Variants in SLC22A9 observed in about 807,000 individuals in gnomAD.
SLC22A9 encodes organic anion transporter 7.
SLC22A9 carries 64 observed loss-of-function variants against 50.1 expected under a neutral mutation model. The ratio of observed to expected loss-of-function variants is 1.28; its 90% confidence interval spans 1.04 to 1.57. The LOEUF (loss-of-function observed/expected upper bound fraction) is 1.57, where lower values mean the gene tolerates loss of function less well. Ranked by LOEUF, SLC22A9 falls within the 40% of genes most tolerant of loss-of-function variation. SLC22A9 has a pLI of 0.00. For missense variants in SLC22A9, 757 were observed against 676.1 expected, an observed-to-expected ratio of 1.12 and a Z score of -1.33; for synonymous variants, 261 against 242.5, an observed-to-expected ratio of 1.08 and a Z score of -0.71.
At position 63,410,257 on chromosome 11, in the gene SLC22A9, A is replaced by AAAAAAAAG; in HGVS notation, c.*398_*399insAAAAGAAA. ...CTGTCTCAAAAAAAAAAAAAAAAAA[A>AAAAAAAAG]AAAGAAAGAAGGAAAGAAAGAAAGA... On this transcript the variant is annotated 3_prime_UTR_variant, in exon 10 of 10. Coordinates refer to ENST00000279178, the MANE Select transcript of SLC22A9 (RefSeq NM_080866.3). The AAAAAAAAG allele has an allele frequency of 1.8e-5, 2 of 108,466 alleles. No individual in the cohort carries two copies. The highest frequency in any genetic ancestry group is 3.3e-5 in the Non-Finnish European group (2 of 61,184). The allele number at this position is 108,466 out of a possible 1,614,324, so 6.7% of individuals were successfully genotyped here. A position where few individuals can be genotyped will look rare whatever the true frequency, so the allele number is the denominator to read the frequency against.
intron 5 of SLC22A9, among the ~76,000 whole-genome samples, chr11:63,376,866 CA>C (rs750830007): frequency 7.9e-5 from 12 of 151,440 alleles, no homozygotes; most frequent in Non-Finnish European, 1.8e-4. Context: ...ATCTAACAAG[CA>C]AATGGAAAAC....
At chr11:63,393,069 G>T (rs916272602) in intron 6 of SLC22A9, among the ~76,000 whole-genome samples, 1 of 152,062 alleles carries the variant, frequency 6.6e-6, no homozygotes, top group Non-Finnish European at 1.5e-5. Flanking sequence ...TTTGTAGATT[G>T]CTTTTGGCAG....
Position 63,409,914 on chromosome 11 carries a change from A to C in SLC22A9, c.*52A>C. The stretch of plus-strand genomic sequence containing the variant: ...AATGAGCCAGATGAAGGGAACAATC[A>C]GGACTATTCCTAGACACTAGCAAAA... On this transcript the variant is annotated 3_prime_UTR_variant, in exon 10 of 10. Coordinates refer to ENST00000279178, the MANE Select transcript of SLC22A9 (RefSeq NM_080866.3). 1 of 1,594,898 alleles carries C rather than the reference A, an allele frequency of 6.3e-7. No individual in the cohort carries two copies. The highest frequency in any genetic ancestry group is 1.3e-5 in the African/African-American group (1 of 74,552).
chr11:63,404,758 T>C (rs1255433039), intron 6 of SLC22A9, among the ~76,000 whole-genome samples: 1 of 152,184 alleles, frequency 6.6e-6, no homozygotes, highest in East Asian at 1.9e-4. Flanking sequence ...GCAGATGCCC[T>C]TGGGGCTCTT....
At chr11:63,373,071 A>C in intron 2 of SLC22A9, among the ~76,000 whole-genome samples, 1 of 147,602 alleles carries the variant, frequency 6.8e-6, no homozygotes, top group Admixed American at 6.8e-5. Context: ...TACAGAGAGG[A>C]CTCCTTTCCC....
At chr11:63,408,554 A>G (rs2015079965) in intron 8 of SLC22A9, 122 bp from the exon 9 acceptor site, 1 of 861,322 alleles carries the variant, frequency 1.2e-6, no homozygotes, top group South Asian at 1.8e-5. Flanking sequence ...TTTCAAACAC[A>G]GGAGTATTTC....
intron 6 of SLC22A9, among the ~76,000 whole-genome samples, chr11:63,404,659 G>C (rs551675984): frequency 6.6e-6 from 1 of 152,152 alleles, no homozygotes; most frequent in Non-Finnish European, 1.5e-5. Context: ...CAGTGTTCAC[G>C]CAATACTTTT....
chr11:63,373,104 T>C (rs1349418512), intron 2 of SLC22A9, among the ~76,000 whole-genome samples: 1 of 150,142 alleles, frequency 6.7e-6, no homozygotes, highest in Non-Finnish European at 1.5e-5. Context: ...AACACTAAAT[T>C]CCCTTTTTCT....
At chr11:63,402,178 A>G (rs1310738699) in intron 6 of SLC22A9, among the ~76,000 whole-genome samples, 1 of 151,966 alleles carries the variant, frequency 6.6e-6, no homozygotes, top group Non-Finnish European at 1.5e-5. Flanking sequence ...TTATCATAAA[A>G]TCTTTGCCAG....
rs1591013709 is a variant in SLC22A9 at position 63,375,838 on chromosome 11, A to G, written c.954+70A>G. On this transcript the variant is annotated intron_variant, in intron 5 of 9. Transcript: ENST00000279178. ...CTTGTCATCAATACTTAGCAGTAGC[A>G]GTGTCCATAAGGTAAAAAAAGGAAA... 2.6e-6 allele frequency: 4 copies of G among 1,564,884 alleles called. No homozygotes were observed. The East Asian group carries it at 9.1e-5, about 36-fold the overall frequency.
In SLC22A9 at chr11:63,373,688, C is replaced by A; in HGVS notation, c.551C>A (p.Ala184Asp). 6.2e-7 allele frequency: 1 copy of A among 1,604,908 alleles called. No individual in the cohort carries two copies. The part of the protein sequence containing the change: ...FVLRWCYLQV[A>D]IVGTCAALAP... The stretch of plus-strand genomic sequence containing the variant: ...CTCAGATGGTGTTACCTCCAGGTTG[C>A]CATTGTTGGCACCTGTGCAGCCTTG... Residue 184 changes from alanine (A) to aspartate (D), a missense_variant, in exon 3 of 10, where the codon GCC becomes GAC. Coordinates refer to ENST00000279178, the MANE Select transcript of SLC22A9 (RefSeq NM_080866.3).
Position 63,409,797 on chromosome 11 carries a change from T to C in SLC22A9, c.1602-5T>C. The C allele has an allele frequency of 3.1e-6, 5 of 1,613,468 alleles. No individual in the cohort carries two copies. The highest frequency in any genetic ancestry group is 4.2e-6 in the Non-Finnish European group (5 of 1,179,694). ...TTTTTGTTGGTTTCTTTGTATTTGT[T>C]CTAGGAGAAAAGACCCCAGAGAACC... On this transcript the variant is annotated splice_region_variant and splice_polypyrimidine_tract_variant and intron_variant, in intron 9 of 9. Transcript: ENST00000279178.
At position 63,370,139 on chromosome 11, in the gene SLC22A9, C is replaced by T. The variant is rs2014323122; in HGVS notation, c.83C>T (p.Ala28Val). The change falls in exon 1 of 10, where the codon GCT becomes GTT. Residue 28 changes from alanine to valine, a missense_variant. By Grantham distance (64) the Ala-to-Val change is moderately conservative (BLOSUM62 0). Transcript: ENST00000279178. ...CAGACTGTTTTTCTCTCAATCTTTG[C>T]TGTTGCTACATACCTTCATTTTATG... ...ILQTVFLSIF[A>V]VATYLHFMLE... 1 of 1,614,042 alleles carries T rather than the reference C, an allele frequency of 6.2e-7. No homozygotes were observed. The highest frequency in any genetic ancestry group is 8.5e-7 in the Non-Finnish European group (1 of 1,179,926).
At chr11:63,382,097 C>A in intron 5 of SLC22A9, 62 bp from the exon 6 acceptor site, 1 of 1,254,622 alleles carries the variant, frequency 8.0e-7, no homozygotes. Context: ...TTGACCAGTG[C>A]GCCTACAGTG....
rs777873439 is a variant in SLC22A9 at position 63,406,619 on chromosome 11, G to A, written c.1196G>A (p.Trp399Ter). Residue 399 changes from tryptophan to a stop codon, truncating the protein, a stop_gained, in exon 7 of 10, where the codon TGG becomes TAG. Transcript: ENST00000279178. LOFTEE classifies it high-confidence loss of function. The part of the protein sequence containing the change: ...VILLANCVAP[W>*]ALKYMNRRAS... Reference sequence around the variant, plus strand: ...CTCCTGGCCAACTGTGTTGCACCTTGGGCACTGAAATACATGAACCGTCGA... The same window carrying A: ...CTCCTGGCCAACTGTGTTGCACCTTAGGCACTGAAATACATGAACCGTCGA... The A allele has an allele frequency of 3.7e-6, 6 of 1,613,676 alleles. No homozygotes were observed. In the African/African-American group the frequency reaches 8.0e-5, roughly 22 times the overall value.
chr11:63,403,141 G>A (rs1013059118), intron 6 of SLC22A9, among the ~76,000 whole-genome samples: 10 of 151,920 alleles, frequency 6.6e-5, no homozygotes, highest in African/African-American at 2.4e-4. Flanking sequence ...ATATATAAAA[G>A]TAAAAAAGAA....
At chr11:63,383,068 G>A (rs1449547264) in intron 6 of SLC22A9, among the ~76,000 whole-genome samples, 1 of 152,156 alleles carries the variant, frequency 6.6e-6, no homozygotes, top group Non-Finnish European at 1.5e-5. Context: ...GAGCACTTAT[G>A]GAACTTGCAT....
intron 6 of SLC22A9, among the ~76,000 whole-genome samples, chr11:63,385,824 T>G (rs114812451): frequency 6.6e-6 from 1 of 152,200 alleles, no homozygotes; most frequent in South Asian, 2.1e-4. Context: ...GAACTTCCAA[T>G]GCTATGTTGA....
At chr11:63,379,759 T>A (rs1190387915) in intron 5 of SLC22A9, among the ~76,000 whole-genome samples, 4 of 152,034 alleles carry the variant, frequency 2.6e-5, no homozygotes, top group Non-Finnish European at 5.9e-5. Flanking sequence ...TGAGATGGAG[T>A]CTCACTCTGT....
Sources: allele counts gnomAD v4.1 joint callset (sites outside exome capture counted in the v4.1 genomes callset), GRCh38; gene constraint gnomAD v4.1.1; transcripts MANE v1.5; gene names NCBI Gene and HGNC (gene_info 2026-07-23, HGNC 2026-07-21).